The following ABCD2 variants were observed in gnomAD, a reference collection of about 807,000 sequenced individuals.
ABCD2 encodes ATP-binding cassette sub-family D member 2.
Under a neutral mutation model 70.9 loss-of-function variants are expected in ABCD2, and 36 were observed. The ratio of observed to expected loss-of-function variants is 0.51; its 90% CI spans 0.39 to 0.67. The LOEUF (loss-of-function observed/expected upper bound fraction) is 0.67, where lower values mean the gene tolerates loss of function less well. Ranked by LOEUF, ABCD2 falls within the 30% of genes least tolerant of loss-of-function variation. The pLI, the probability that ABCD2 is intolerant of heterozygous loss-of-function variation, is 0.00. For synonymous variants in ABCD2, 304 were observed against 306.9 expected, an observed-to-expected ratio of 0.99 and a Z score of 0.10; for missense variants, 729 against 890.2, an observed-to-expected ratio of 0.82 and a Z score of 2.30.
chr12:39,536,279 C>T, the ABCD2 span, among the ~76,000 whole-genome samples: 2 of 152,040 alleles, frequency 1.3e-5, no homozygotes, highest in Non-Finnish European at 2.9e-5. Context: ...AATAATGTTG[C>T]TTTGATATTT....
chr12:39,576,297 C>A (rs995633186), intron 8 of ABCD2, among the ~76,000 whole-genome samples: 4 of 152,026 alleles, frequency 2.6e-5, no homozygotes, highest in African/African-American at 9.7e-5. Context: ...GTAGCTGGGA[C>A]TATAGGCGCC....
chr12:39,583,809 G>T (rs1160059804), intron 7 of ABCD2, among the ~76,000 whole-genome samples: 1 of 152,162 alleles, frequency 6.6e-6, no homozygotes, highest in East Asian at 1.9e-4. Flanking sequence ...GTTTGCTAAG[G>T]ATGATTGCCT....
chr12:39,567,374 A>G (rs906400501), intron 9 of ABCD2, among the ~76,000 whole-genome samples: 1 of 151,964 alleles, frequency 6.6e-6, no homozygotes, highest in African/African-American at 2.4e-5. Flanking sequence ...TGATCCCTTT[A>G]CCATTATGTA....
In ABCD2 at chr12:39,618,734, A is replaced by G. The variant is rs1310645012; in HGVS notation, c.882T>C (p.Tyr294=). Residue 294 remains tyrosine (Y), a synonymous_variant, in exon 1 of 10, where the codon TAT becomes TAC. Transcript: ENST00000308666. ...EEAHRKGYLR[Y]VHSRIIANVE... ...CATTGGCTATAATTCTCGAGTGCACATACCGCAAATAGCCTTTTCTATGTG... is the reference window on the plus strand; with the variant it reads ...CATTGGCTATAATTCTCGAGTGCACGTACCGCAAATAGCCTTTTCTATGTG... The G allele has an allele frequency of 7.4e-6, 12 of 1,614,246 alleles. No individual in the cohort carries two copies. The highest frequency in any genetic ancestry group is 2.2e-5 in the South Asian group (2 of 91,088).
chr12:39,614,269 T>C (rs1159731544), intron 2 of ABCD2, among the ~76,000 whole-genome samples: 1 of 152,204 alleles, frequency 6.6e-6, no homozygotes, highest in African/African-American at 2.4e-5. Flanking sequence ...CAATTGCTTC[T>C]ACCTAGGTTC....
At chr12:39,567,417 G>A (rs1360208503) in intron 9 of ABCD2, among the ~76,000 whole-genome samples, 2 of 151,998 alleles carry the variant, frequency 1.3e-5, no homozygotes, top group Non-Finnish European at 2.9e-5. Flanking sequence ...ATCTTTGTTG[G>A]TTTAAAGTCT....
intron 6 of ABCD2, among the ~76,000 whole-genome samples, chr12:39,595,089 GAT>G (rs1187079408): frequency 6.6e-6 from 1 of 152,004 alleles, no homozygotes; most frequent in Non-Finnish European, 1.5e-5. Flanking sequence ...GAAAAAAGAA[GAT>G]AGCTGAAGAT....
intron 5 of ABCD2, among the ~76,000 whole-genome samples, chr12:39,602,363 A>C (rs1941911354): frequency 6.6e-6 from 1 of 151,922 alleles, no homozygotes; most frequent in Admixed American, 6.6e-5. Context: ...CATGTTGGCC[A>C]GGCTGGTCTC....
At chr12:39,566,499 A>G (rs185123867) in intron 9 of ABCD2, among the ~76,000 whole-genome samples, 47 of 151,800 alleles carry the variant, frequency 3.1e-4, no homozygotes, top group Middle Eastern at 6.8e-3. Flanking sequence ...TTTTTATTGC[A>G]TCTATTTGAT....
chr12:39,580,991 A>G (rs1941588582), intron 7 of ABCD2, among the ~76,000 whole-genome samples: 1 of 152,230 alleles, frequency 6.6e-6, no homozygotes, highest in Non-Finnish European at 1.5e-5. Flanking sequence ...TTTGAAATCC[A>G]AAAGTTTAGA....
At chr12:39,540,901 A>G in the ABCD2 span, among the ~76,000 whole-genome samples, 11 of 152,368 alleles carry the variant, frequency 7.2e-5, no homozygotes, top group African/African-American at 2.2e-4. Flanking sequence ...CCAAGCTGCA[A>G]CCAACCGCCT....
At chr12:39,560,211 C>T (rs189417408) in intron 9 of ABCD2, among the ~76,000 whole-genome samples, 1 of 152,240 alleles carries the variant, frequency 6.6e-6, no homozygotes, top group Admixed American at 6.5e-5. Flanking sequence ...CTTCCTGTGT[C>T]CAAGTGTTCT....
chr12:39,549,180 T>C (rs909539030), downstream of ABCD2, among the ~76,000 whole-genome samples: 1 of 151,964 alleles, frequency 6.6e-6, no homozygotes, highest in African/African-American at 2.4e-5. Flanking sequence ...CTGGTTTTGT[T>C]GGAACTTGTA....
intron 5 of ABCD2, 87 bp from the exon 6 acceptor site, chr12:39,600,803 GT>G: frequency 8.0e-7 from 1 of 1,256,994 alleles, no homozygotes. Flanking sequence ...TTTTTAAAAT[GT>G]TCGAAAACAT....
chr12:39,563,532 A>C (rs1430836375), intron 9 of ABCD2, among the ~76,000 whole-genome samples: 1 of 152,212 alleles, frequency 6.6e-6, no homozygotes, highest in African/African-American at 2.4e-5. Context: ...AAAAGAAATA[A>C]AAGGCATCTG....
chr12:39,542,409 G>A, the ABCD2 span, among the ~76,000 whole-genome samples: 1 of 151,002 alleles, frequency 6.6e-6, no homozygotes, highest in South Asian at 2.1e-4. Flanking sequence ...GTTGCAGTGA[G>A]CTGAGATACG....
At chr12:39,542,419 G>C in the ABCD2 span, among the ~76,000 whole-genome samples, 1 of 149,042 alleles carries the variant, frequency 6.7e-6, no homozygotes, top group Non-Finnish European at 1.5e-5. Flanking sequence ...GCTGAGATAC[G>C]CCACTGCACT....
chr12:39,614,201 C>T (rs1174139386), intron 2 of ABCD2, among the ~76,000 whole-genome samples: 1 of 152,160 alleles, frequency 6.6e-6, no homozygotes, highest in Admixed American at 6.5e-5. Context: ...AAGAAGCCAG[C>T]ATATGATCCA....
chr12:39,607,357 G>A (rs1941982502), intron 3 of ABCD2, among the ~76,000 whole-genome samples: 1 of 152,062 alleles, frequency 6.6e-6, no homozygotes, highest in Admixed American at 6.6e-5. Context: ...TCTTTAAAAT[G>A]TGAAAACAAA....
Sources: allele counts gnomAD v4.1 joint callset (sites outside exome capture counted in the v4.1 genomes callset), GRCh38; gene constraint gnomAD v4.1.1; transcripts MANE v1.5; gene names NCBI Gene and HGNC (gene_info 2026-07-23, HGNC 2026-07-21).